The following PTPRD variants were observed in gnomAD, a reference collection of about 807,000 sequenced individuals.
PTPRD encodes the protein receptor-type tyrosine-protein phosphatase delta.
Under a neutral mutation model 214.5 loss-of-function variants are expected in PTPRD, and 34 were observed. The observed-to-expected ratio is 0.16, with a 90% CI of 0.12 to 0.21. PTPRD has a LOEUF of 0.21. Ranked by LOEUF, PTPRD falls within the 10% of genes least tolerant of loss-of-function variation. The probability of loss-of-function intolerance (pLI) is 1.00; values close to 1 mark genes in which losing one functional copy is unlikely to be tolerated. For missense variants in PTPRD, 2,545 were observed against 2,398.7 expected, an observed-to-expected ratio of 1.06 and a Z score of -1.27; for synonymous variants, 1,128 against 845.7, an observed-to-expected ratio of 1.33 and a Z score of -5.79.
intron 2 of PTPRD, among the ~76,000 whole-genome samples, chr9:10,407,313 A>C (rs2098379749): frequency 6.6e-6 from 1 of 151,622 alleles, no homozygotes; most frequent in Non-Finnish European, 1.5e-5. Flanking sequence ...TTATATATAC[A>C]CATAAGAAAT....
intron 11 of PTPRD, among the ~76,000 whole-genome samples, chr9:8,774,067 A>G (rs993195091): frequency 6.6e-6 from 1 of 152,098 alleles, no homozygotes; most frequent in African/African-American, 2.4e-5. Context: ...ACTTTGTACC[A>G]CAGCTATTTA....
chr9:9,360,170 G>C (rs1424706976), intron 9 of PTPRD, among the ~76,000 whole-genome samples: 1 of 150,862 alleles, frequency 6.6e-6, no homozygotes, highest in Admixed American at 6.6e-5. Flanking sequence ...CTAAAAATCT[G>C]ACAGTTGTTT....
chr9:8,878,275 C>T (rs967787493), intron 11 of PTPRD, among the ~76,000 whole-genome samples: 5 of 152,030 alleles, frequency 3.3e-5, no homozygotes, highest in Non-Finnish European at 5.9e-5. Context: ...TTCTTCATTC[C>T]GGGCACAGAC....
chr9:9,829,547 A>G (rs1343480302), intron 5 of PTPRD, among the ~76,000 whole-genome samples: 1 of 151,832 alleles, frequency 6.6e-6, no homozygotes, highest in Non-Finnish European at 1.5e-5. Flanking sequence ...GATTTTAAAT[A>G]TATGGATGGC....
intron 7 of PTPRD, among the ~76,000 whole-genome samples, chr9:9,592,640 G>A (rs932437767): frequency 3.9e-5 from 6 of 152,010 alleles, no homozygotes; most frequent in African/African-American, 1.2e-4. Context: ...ACAAGGAAGT[G>A]CCAATTTCCT....
intron 3 of PTPRD, among the ~76,000 whole-genome samples, chr9:10,176,805 G>C (rs1019915974): frequency 6.6e-6 from 1 of 151,896 alleles, no homozygotes; most frequent in African/African-American, 2.4e-5. Context: ...GAATAGAAAA[G>C]TTAACATAAT....
intron 9 of PTPRD, among the ~76,000 whole-genome samples, chr9:9,258,987 C>A (rs570922966): frequency 6.6e-6 from 1 of 151,736 alleles, no homozygotes; most frequent in Non-Finnish European, 1.5e-5. Flanking sequence ...ATTACAATTT[C>A]TTGTGGTGGG....
chr9:10,342,067 A>G (rs1446707427), intron 2 of PTPRD, among the ~76,000 whole-genome samples: 1 of 152,092 alleles, frequency 6.6e-6, no homozygotes, highest in Non-Finnish European at 1.5e-5. Context: ...TTAAAGGGAT[A>G]GCACTTGATT....
intron 9 of PTPRD, among the ~76,000 whole-genome samples, chr9:9,192,320 T>C (rs1190348233): frequency 6.6e-6 from 1 of 152,108 alleles, no homozygotes; most frequent in Non-Finnish European, 1.5e-5. Context: ...CTGAAAATCT[T>C]CCACTAGCTA....
chr9:8,987,047 T>C (rs1043255178), intron 11 of PTPRD, among the ~76,000 whole-genome samples: 13 of 152,136 alleles, frequency 8.5e-5, no homozygotes, highest in Non-Finnish European at 1.6e-4. Context: ...AAATAAACCA[T>C]AAACACATGT....
chr9:8,567,208 C>T lies in PTPRD; in HGVS notation c.353-38429G>A, dbSNP rs540445400. Among the ~76,000 whole-genome samples the T allele has an allele frequency of 1.4e-4, 22 of 152,288 alleles. No individual in the cohort carries two copies. The South Asian group carries it at 2.3e-3, about 16-fold the overall frequency. On this transcript the variant is annotated intron_variant, in intron 14 of 45. Transcript: ENST00000381196. ...CAGATGGGTTCCATGATGAATTTGG[C>T]GGTACCTGCCTTTTCCAGGCTTCAA...
chr9:10,486,096 G>C (rs999093556), intron 2 of PTPRD, among the ~76,000 whole-genome samples: 1 of 151,796 alleles, frequency 6.6e-6, no homozygotes, highest in Admixed American at 6.6e-5. Flanking sequence ...TTTATCAGGT[G>C]GGTGGATTGC....
At chr9:9,848,696 A>G (rs1297514095) in intron 5 of PTPRD, among the ~76,000 whole-genome samples, 1 of 152,100 alleles carries the variant, frequency 6.6e-6, no homozygotes, top group African/African-American at 2.4e-5. Flanking sequence ...CACAAAATAG[A>G]TAAATATCAA....
chr9:10,198,789 CAT>C (rs1357309408), intron 3 of PTPRD, among the ~76,000 whole-genome samples: 1 of 152,012 alleles, frequency 6.6e-6, no homozygotes, highest in Non-Finnish European at 1.5e-5. Flanking sequence ...TTTATTTTAT[CAT>C]ATGTTTCTTT....
intron 10 of PTPRD, among the ~76,000 whole-genome samples, chr9:9,055,198 A>T (rs1354859860): frequency 1.3e-5 from 2 of 152,154 alleles, no homozygotes; most frequent in Non-Finnish European, 2.9e-5. Context: ...AAAGGTATTC[A>T]TTGCAGCATT....
chr9:8,862,416 A>C, intron 11 of PTPRD, among the ~76,000 whole-genome samples: 1 of 152,194 alleles, frequency 6.6e-6, no homozygotes, highest in East Asian at 1.9e-4. Flanking sequence ...TAAAGAAGAA[A>C]AGAAGATATT....
At chr9:8,605,844 T>A (rs768830930) in intron 14 of PTPRD, among the ~76,000 whole-genome samples, 2 of 152,152 alleles carry the variant, frequency 1.3e-5, no homozygotes, top group Non-Finnish European at 2.9e-5. Context: ...GGATTGATCA[T>A]CCTACCAGCT....
intron 8 of PTPRD, among the ~76,000 whole-genome samples, chr9:9,429,934 C>T (rs994059987): frequency 6.6e-6 from 1 of 152,156 alleles, no homozygotes; most frequent in African/African-American, 2.4e-5. Context: ...GACAAACCCA[C>T]AGCCAGTATT....
chr9:8,983,819 A>G (rs145756238), intron 11 of PTPRD, among the ~76,000 whole-genome samples: 9 of 152,058 alleles, frequency 5.9e-5, no homozygotes, highest in African/African-American at 2.2e-4. Context: ...CCAATTTTAT[A>G]TACTTTCTTA....
Sources: gnomAD v4.1 joint callset for allele counts (sites outside exome capture counted in the v4.1 genomes callset) on GRCh38, gnomAD v4.1.1 for gene constraint, MANE v1.5 for transcripts, NCBI Gene and HGNC (gene_info 2026-07-23, HGNC 2026-07-21) for gene names.